The following MTR variants were observed in gnomAD, a reference collection of about 807,000 sequenced individuals.
The protein encoded by MTR is 5-methyltetrahydrofolate-homocysteine methyltransferase.
MTR carries 84 observed loss-of-function variants against 154.8 expected under a neutral mutation model. The ratio of observed to expected loss-of-function variants is 0.54; its 90% CI spans 0.45 to 0.65. The LOEUF is 0.65. MTR is among the 30% of genes least tolerant of loss of function. The probability of loss-of-function intolerance (pLI) is 0.00; values close to 1 mark genes in which losing one functional copy is unlikely to be tolerated. For missense variants in MTR, 1,275 were observed against 1,570.2 expected, an observed-to-expected ratio of 0.81 and a Z score of 3.18; for synonymous variants, 554 against 553.9, an observed-to-expected ratio of 1.00 and a Z score of 0.00.
chr1:236,803,452 A>T lies in MTR; in HGVS notation c.59A>T (p.Asp20Val). 6.2e-7 allele frequency: 1 copy of T among 1,614,124 alleles called. No individual in the cohort carries two copies. Among genetic ancestry groups the T allele is most frequent in the Non-Finnish European group, 8.5e-7 (1 of 1,180,012 alleles). Reference protein sequence around the residue: ...QPEGLKKTLRDEINAILQKRI... With the variant: ...QPEGLKKTLRVEINAILQKRI... ...GAAGGTCTGAAGAAAACCCTGCGGG[A>T]TGAGATCAATGCCATTCTGCAGAAG... The change falls in exon 2 of 33, where the codon GAT (aspartate) becomes GTT (valine). Residue 20 changes from aspartate to valine, a missense_variant. Transcript: ENST00000366577.
intron 22 of MTR, among the ~76,000 whole-genome samples, chr1:236,868,728 G>T (rs759565823): frequency 6.6e-6 from 1 of 152,126 alleles, no homozygotes; most frequent in Non-Finnish European, 1.5e-5. Flanking sequence ...ATAACCAGTG[G>T]TTCTTAATAT....
chr1:236,876,496 GA>G (rs1665440798), intron 24 of MTR, among the ~76,000 whole-genome samples: 1 of 152,138 alleles, frequency 6.6e-6, no homozygotes, highest in Non-Finnish European at 1.5e-5. Flanking sequence ...TTGTCAGAAT[GA>G]AAGACTTTAA....
chr1:236,825,220 C>A (rs1572218263), intron 9 of MTR, 118 bp from the exon 10 acceptor site: 2 of 488,748 alleles, frequency 4.1e-6, no homozygotes, highest in Non-Finnish European at 3.5e-6. Flanking sequence ...TTTGTTTTTG[C>A]AAGTAGTCAC....
intron 18 of MTR, among the ~76,000 whole-genome samples, chr1:236,857,755 G>A (rs193033667): frequency 1.3e-5 from 2 of 152,324 alleles, no homozygotes; most frequent in Non-Finnish European, 2.9e-5. Context: ...CAAGTGCTGT[G>A]AGAGGGGAAG....
intron 15 of MTR, among the ~76,000 whole-genome samples, chr1:236,848,293 T>C (rs1185830007): frequency 6.6e-6 from 1 of 152,176 alleles, no homozygotes; most frequent in African/African-American, 2.4e-5. Flanking sequence ...CCTGCCCTGC[T>C]TGGCCAGATA....
intron 27 of MTR, 45 bp downstream of exon 27, chr1:236,886,412 ACAG>A: frequency 6.4e-7 from 1 of 1,572,564 alleles, no homozygotes; most frequent in Non-Finnish European, 8.8e-7. Context: ...GTGGTAACTG[ACAG>A]TGTGCTGAGG....
chr1:236,867,832 G>A (rs1206350335), intron 22 of MTR, among the ~76,000 whole-genome samples: 1 of 152,190 alleles, frequency 6.6e-6, no homozygotes, highest in Non-Finnish European at 1.5e-5. Flanking sequence ...CTGAAGATGG[G>A]AATGAATTGC....
At chr1:236,844,904 G>C (rs1365447126) in intron 15 of MTR, among the ~76,000 whole-genome samples, 1 of 152,152 alleles carries the variant, frequency 6.6e-6, no homozygotes, top group Non-Finnish European at 1.5e-5. Flanking sequence ...TGGAGCTTTT[G>C]AAAAATCGTA....
chr1:236,880,874 G>A lies in MTR; in HGVS notation c.2676+38G>A, dbSNP rs768837189. ...CCTTACATTTTATTCCAGATGTGTT[G>A]GAAAGCTTGCATTACAAGTAAGGGT... On this transcript the variant is annotated intron_variant, in intron 25 of 32. Coordinates refer to ENST00000366577, the MANE Select transcript of MTR (RefSeq NM_000254.3). 5 of 1,564,630 alleles carry A rather than the reference G, an allele frequency of 3.2e-6. No homozygotes were observed. The South Asian group carries it at 3.3e-5, about 10-fold the overall frequency.
At chr1:236,859,943 CTGGAGGGCTGGAGGCTCATCA>C in intron 19 of MTR, 21 bp downstream of exon 19, 1 of 1,598,126 alleles carries the variant, frequency 6.3e-7, no homozygotes, top group Non-Finnish European at 8.6e-7. Context: ...GGGGCCTGAA[CTGGAGGGCTGGAGGCTCATCA>C]TGGCTGACTG....
chr1:236,873,250 G>T (rs1341560256), intron 22 of MTR, among the ~76,000 whole-genome samples: 2 of 152,204 alleles, frequency 1.3e-5, no homozygotes, highest in East Asian at 3.9e-4. Flanking sequence ...GAGAAAGAAA[G>T]TAGAGTAGAG....
intron 15 of MTR, among the ~76,000 whole-genome samples, chr1:236,842,287 C>T (rs1342787130): frequency 6.6e-6 from 1 of 152,144 alleles, no homozygotes; most frequent in Non-Finnish European, 1.5e-5. Context: ...TGAACTCCCG[C>T]GATGATGAGC....
At chr1:236,812,521 C>T (rs988209855) in intron 5 of MTR, among the ~76,000 whole-genome samples, 1 of 152,218 alleles carries the variant, frequency 6.6e-6, no homozygotes, top group Non-Finnish European at 1.5e-5. Flanking sequence ...GTGGAAGTTA[C>T]GTGGCAGGTG....
intron 24 of MTR, among the ~76,000 whole-genome samples, chr1:236,878,295 G>C (rs1164987192): frequency 1.3e-5 from 2 of 152,192 alleles, no homozygotes; most frequent in Non-Finnish European, 2.9e-5. Flanking sequence ...TTCAGGAGTT[G>C]AAGTGTCTCA....
chr1:236,822,343 T>G (rs1027430143), intron 8 of MTR, among the ~76,000 whole-genome samples: 2 of 150,460 alleles, frequency 1.3e-5, no homozygotes, highest in African/African-American at 4.9e-5. Context: ...AGCATCTTGC[T>G]GTGTCACTCA....
At chr1:236,860,490 G>T (rs1464036876) in intron 19 of MTR, among the ~76,000 whole-genome samples, 2 of 151,878 alleles carry the variant, frequency 1.3e-5, no homozygotes, top group Non-Finnish European at 2.9e-5. Flanking sequence ...GAGCTAGTTG[G>T]CCAATCCAAG....
At chr1:236,850,227 T>C in intron 15 of MTR, 117 bp from the exon 16 acceptor site, 2 of 646,530 alleles carry the variant, frequency 3.1e-6, no homozygotes, top group Non-Finnish European at 4.3e-6. Context: ...CTCTAATGTA[T>C]AACACTTAAT....
intron 15 of MTR, among the ~76,000 whole-genome samples, chr1:236,839,903 G>GA (rs1663131421): frequency 6.6e-6 from 1 of 151,960 alleles, no homozygotes; most frequent in African/African-American, 2.4e-5. Context: ...ATTGAAAAAT[G>GA]AAAAAAATGA....
intron 16 of MTR, among the ~76,000 whole-genome samples, chr1:236,851,827 T>G (rs1663922147): frequency 6.6e-6 from 1 of 152,250 alleles, no homozygotes; most frequent in Non-Finnish European, 1.5e-5. Flanking sequence ...TGTTCATTTT[T>G]ATTAATGTAT....
Sources: allele counts gnomAD v4.1 joint callset (sites outside exome capture counted in the v4.1 genomes callset), GRCh38; gene constraint gnomAD v4.1.1; transcripts MANE v1.5; gene names NCBI Gene and HGNC (gene_info 2026-07-23, HGNC 2026-07-21).